Variants in SMAP1 observed in about 807,000 individuals in gnomAD.
SMAP1 encodes the protein small ArfGAP 1, also known as stromal membrane-associated protein 1.
SMAP1 carries 24 observed loss-of-function variants against 58.5 expected under a neutral mutation model. That is an observed-to-expected ratio of 0.41 (90% confidence interval 0.30 to 0.58). The LOEUF is 0.58. Ranked by LOEUF, SMAP1 falls within the 20% of genes least tolerant of loss-of-function variation. The pLI is 0.29. For synonymous variants in SMAP1, 216 were observed against 196.6 expected, an observed-to-expected ratio of 1.10 and a Z score of -0.82; for missense variants, 563 against 566.3, an observed-to-expected ratio of 0.99 and a Z score of 0.06.
intron 3 of SMAP1, among the ~76,000 whole-genome samples, chr6:70,770,516 C>T (rs888079781): frequency 2.0e-5 from 3 of 152,182 alleles, no homozygotes; most frequent in African/African-American, 7.2e-5. Flanking sequence ...CCATCACTGA[C>T]ACCCTTTCTT....
At chr6:70,695,625 G>T (rs959630208) in intron 1 of SMAP1, among the ~76,000 whole-genome samples, 1 of 152,108 alleles carries the variant, frequency 6.6e-6, no homozygotes, top group African/African-American at 2.4e-5. Flanking sequence ...TGCATCCTTG[G>T]GATAAATCCC....
At chr6:70,687,813 T>TTG (rs150198693) in intron 1 of SMAP1, among the ~76,000 whole-genome samples, 62 of 152,070 alleles carry the variant, frequency 4.1e-4, no homozygotes, top group African/African-American at 1.4e-3. Flanking sequence ...GTACAGTAAT[T>TTG]TGTGTGTGTG....
chr6:70,702,393 G>T (rs898560360), intron 1 of SMAP1, among the ~76,000 whole-genome samples: 5 of 150,410 alleles, frequency 3.3e-5, no homozygotes, highest in African/African-American at 9.9e-5. Context: ...TTTTTTTGGG[G>T]AGGGGGTCTG....
intron 6 of SMAP1, among the ~76,000 whole-genome samples, chr6:70,805,675 GAT>G (rs1379357682): frequency 6.6e-6 from 1 of 152,180 alleles, no homozygotes; most frequent in Non-Finnish European, 1.5e-5. Flanking sequence ...GTGACCTACA[GAT>G]GGGGTTTTGG....
intron 3 of SMAP1, among the ~76,000 whole-genome samples, chr6:70,771,159 A>T (rs1025481200): frequency 6.6e-6 from 1 of 152,124 alleles, no homozygotes; most frequent in Non-Finnish European, 1.5e-5. Flanking sequence ...GTCTGCCCCT[A>T]CTGGGGGGTG....
intron 1 of SMAP1, among the ~76,000 whole-genome samples, chr6:70,724,317 C>T (rs1226661276): frequency 6.6e-6 from 1 of 152,052 alleles, no homozygotes; most frequent in Non-Finnish European, 1.5e-5. Flanking sequence ...CTGCCTCAGC[C>T]TCCCAAGTAG....
At chr6:70,787,566 T>C (rs1768112750) in intron 4 of SMAP1, among the ~76,000 whole-genome samples, 2 of 152,176 alleles carry the variant, frequency 1.3e-5, no homozygotes. Flanking sequence ...AAAGGGCTAA[T>C]ATCCAGAATC....
At chr6:70,857,257 A>G (rs1271702265) in intron 9 of SMAP1, 1 of 362,788 alleles carries the variant, frequency 2.8e-6, no homozygotes, top group African/African-American at 2.1e-5. Flanking sequence ...CTGTTCATAG[A>G]TCACTAAATG....
chr6:70,812,557 GA>G (rs1269940526), intron 6 of SMAP1, among the ~76,000 whole-genome samples: 1 of 152,116 alleles, frequency 6.6e-6, no homozygotes, highest in Non-Finnish European at 1.5e-5. Flanking sequence ...GCATTTATTT[GA>G]AAGTATTGCA....
At chr6:70,788,198 G>A (rs1461093731) in intron 4 of SMAP1, among the ~76,000 whole-genome samples, 1 of 150,280 alleles carries the variant, frequency 6.7e-6, no homozygotes, top group East Asian at 2.0e-4. Flanking sequence ...ACTATCGCAA[G>A]GACAAGAAAC....
intron 1 of SMAP1, among the ~76,000 whole-genome samples, chr6:70,680,581 T>C (rs553398402): frequency 6.6e-6 from 1 of 152,234 alleles, no homozygotes; most frequent in Admixed American, 6.5e-5. Context: ...AAATAGTGCG[T>C]CCGTACAGTG....
At chr6:70,854,553 C>T (rs1473222694) in intron 8 of SMAP1, among the ~76,000 whole-genome samples, 1 of 151,674 alleles carries the variant, frequency 6.6e-6, no homozygotes, top group African/African-American at 2.4e-5. Flanking sequence ...ACCCGGGAGG[C>T]AGAGGTTGCA....
chr6:70,719,614 G>A (rs891973094), intron 1 of SMAP1, among the ~76,000 whole-genome samples: 19 of 152,090 alleles, frequency 1.2e-4, no homozygotes, highest in African/African-American at 4.1e-4. Flanking sequence ...TGTTAAAGAC[G>A]TACCCGAGAC....
rs192708527 is a variant in SMAP1 at position 70,819,177 on chromosome 6, T to A, written c.577-17764T>A. Among the ~76,000 whole-genome samples the A allele has an allele frequency of 5.3e-5, 8 of 152,326 alleles. No homozygotes were observed. In the East Asian group the frequency reaches 1.5e-3, roughly 29 times the overall value. ...ATAGTCTTTTCAAGGCTTATCCATG[T>A]TTGTAGCATGTAAAAGTACTGCATT... On this transcript the variant is annotated intron_variant, in intron 6 of 10. Transcript: ENST00000370455.
intron 6 of SMAP1, among the ~76,000 whole-genome samples, chr6:70,820,463 G>C (rs1248014457): frequency 6.6e-6 from 1 of 152,210 alleles, no homozygotes; most frequent in African/African-American, 2.4e-5. Flanking sequence ...TGTAGTCCCA[G>C]CACTTTGGGA....
chr6:70,836,988 TA>T lies in SMAP1; in HGVS notation c.630del (p.Ala211LeufsTer9). 1 of 1,604,266 alleles carries T rather than the reference TA, an allele frequency of 6.2e-7. No individual in the cohort carries two copies. Among genetic ancestry groups the T allele is most frequent in the Admixed American group, 1.7e-5 (1 of 59,274 alleles). The part of the protein sequence containing the change: ...QLEPKKSTSP[K>X]KAAEPTVDLL... Reference sequence around the variant, plus strand: ...TGGAGCCTAAAAAAAGTACCAGCCCTAAAAAAGCTGCGGAGCCCACTGTGGA... The same window carrying T: ...TGGAGCCTAAAAAAAGTACCAGCCCTAAAAAGCTGCGGAGCCCACTGTGGA... On this transcript the variant is annotated frameshift_variant, in exon 7 of 11. Coordinates refer to ENST00000370455, the MANE Select transcript of SMAP1 (RefSeq NM_001044305.3). LOFTEE classifies it high-confidence loss of function.
chr6:70,817,815 C>A (rs951276485), intron 6 of SMAP1, among the ~76,000 whole-genome samples: 1 of 152,102 alleles, frequency 6.6e-6, no homozygotes, highest in Non-Finnish European at 1.5e-5. Flanking sequence ...TAAAGGGTTA[C>A]CCTTCAAACC....
At position 70,769,922 on chromosome 6, in the gene SMAP1, T is replaced by C. The variant is rs1582148583; in HGVS notation, c.339-3428T>C. Among the ~76,000 whole-genome samples, 3 of 151,846 alleles carry C rather than the reference T, an allele frequency of 2.0e-5. No individual in the cohort carries two copies. In the East Asian group the frequency reaches 5.8e-4, roughly 29 times the overall value. On this transcript the variant is annotated intron_variant, in intron 3 of 10. Coordinates refer to ENST00000370455, the MANE Select transcript of SMAP1 (RefSeq NM_001044305.3). ...TTCCTTTCCATGTTTAGTGCTTCCT[T>C]CAGGAGCTCTCTTAGGGCAGGCCTG...
At chr6:70,707,440 G>A (rs1252701300) in intron 1 of SMAP1, among the ~76,000 whole-genome samples, 1 of 152,038 alleles carries the variant, frequency 6.6e-6, no homozygotes, top group Non-Finnish European at 1.5e-5. Flanking sequence ...TTGAGAGCAT[G>A]ATCTGTTAAT....
Sources: gnomAD v4.1 joint callset for allele counts (sites outside exome capture counted in the v4.1 genomes callset) on GRCh38, gnomAD v4.1.1 for gene constraint, MANE v1.5 for transcripts, NCBI Gene and HGNC (gene_info 2026-07-23, HGNC 2026-07-21) for gene names.